Variants in NR2C1 observed in about 807,000 individuals in gnomAD.
NR2C1 encodes nuclear receptor subfamily 2 group C member 1, also known as TR2 nuclear hormone receptor.
A neutral mutation model predicts 74.8 loss-of-function variants in NR2C1; 33 were observed. The observed-to-expected ratio is 0.44, with a 90% CI of 0.33 to 0.59. The LOEUF is 0.59. NR2C1 is among the 20% of genes least tolerant of loss of function. The pLI is 0.02. For missense variants in NR2C1, 568 were observed against 715.6 expected, an observed-to-expected ratio of 0.79 and a Z score of 2.35; for synonymous variants, 225 against 240.6, an observed-to-expected ratio of 0.94 and a Z score of 0.60.
At chr12:95,057,453 A>G (rs952229880) in intron 7 of NR2C1, 100 bp downstream of exon 7, 1 of 811,642 alleles carries the variant, frequency 1.2e-6, no homozygotes, top group South Asian at 2.1e-5. Context: ...TGTAATATGG[A>G]ATATTTAAGA....
chr12:95,044,606 C>T (rs984705976), intron 9 of NR2C1, among the ~76,000 whole-genome samples: 20 of 152,036 alleles, frequency 1.3e-4, no homozygotes, highest in African/African-American at 4.3e-4. Context: ...ACTGGATGGC[C>T]GGGTGTGATG....
rs989939145 is a variant in NR2C1 at position 95,021,692 on chromosome 12, C to T, written c.*537G>A. ...GGGACACCATGATATTTAGAGAAGA[C>T]AAAAAATATGTATTCAATTATTTCC... On this transcript the variant is annotated 3_prime_UTR_variant, in exon 14 of 14. Transcript: ENST00000333003. 6.6e-6 allele frequency: 1 copy of T among 152,000 alleles called. No homozygotes were observed. Among genetic ancestry groups the T allele is most frequent in the Non-Finnish European group, 1.5e-5 (1 of 68,044 alleles). 9.4% of individuals were successfully genotyped at this position (152,000 alleles called of 1,614,324 possible). A position where few individuals can be genotyped will look rare whatever the true frequency, so the allele number is the denominator to read the frequency against.
chr12:95,058,313 C>T lies in NR2C1; in HGVS notation c.541G>A (p.Asp181Asn). The T allele has an allele frequency of 6.2e-7, 1 of 1,609,968 alleles. No homozygotes were observed. Among genetic ancestry groups the T allele is most frequent in the South Asian group, 1.1e-5 (1 of 90,608 alleles). The change falls in exon 5 of 14, where the codon GAC (aspartate) becomes AAC (asparagine). Residue 181 changes from aspartate to asparagine, a missense_variant. This residue lies in a region of NR2C1 where 239 missense variants were observed against 232.3 expected (regional missense o/e 1.03). Transcript: ENST00000333003. ...QRCIAFGMKQ[D>N]SVQCERKPIE... ...CTCCTTAAAAGCTAATACATACAGT[C>T]TTGCTTCATTCCAAACGCAATACAT...
intron 9 of NR2C1, among the ~76,000 whole-genome samples, 158 bp downstream of exon 9, chr12:95,048,910 C>T (rs1364816770): frequency 6.6e-6 from 1 of 152,114 alleles, no homozygotes; most frequent in Non-Finnish European, 1.5e-5. Context: ...AGGCATAAGC[C>T]ACTGTGCCTG....
rs1378155688 is a variant in NR2C1, at chr12:95,028,418, G to A, written c.1500C>T (p.Ala500=). 6.2e-7 allele frequency: 1 copy of A among 1,610,684 alleles called. No individual in the cohort carries two copies. Among genetic ancestry groups the A allele is most frequent in the African/African-American group, 1.3e-5 (1 of 74,754 alleles). The part of the protein sequence containing the change: ...VKLCIDGYEY[A]YLKAIVLFSP... Reference sequence around the variant, plus strand: ...TGAAGAGTACTATTGCCTTCAGGTAGGCATATTCGTATCCATCAATGCAGA... The same window carrying A: ...TGAAGAGTACTATTGCCTTCAGGTAAGCATATTCGTATCCATCAATGCAGA... The change falls in exon 12 of 14, where the codon GCC becomes GCT. Residue 500 remains alanine, a synonymous_variant. Transcript: ENST00000333003.
At chr12:95,070,849 T>C (rs1876498497) in intron 1 of NR2C1, among the ~76,000 whole-genome samples, 1 of 152,206 alleles carries the variant, frequency 6.6e-6, no homozygotes, top group Non-Finnish European at 1.5e-5. Context: ...TACGATGTTC[T>C]TTATTCCCCC....
intron 3 of NR2C1, among the ~76,000 whole-genome samples, chr12:95,061,439 A>T (rs1874765172): frequency 6.6e-6 from 1 of 152,212 alleles, no homozygotes. Context: ...CAAATCTAAA[A>T]CTATTCTAAA....
In NR2C1 at chr12:95,066,254, C is replaced by T. The variant is rs974723117; in HGVS notation, c.54+1077G>A. 1.6e-4 allele frequency among the ~76,000 whole-genome samples: 25 copies of T among 152,266 alleles called. 4 individuals carry two copies. Among genetic ancestry groups the T allele is most frequent in the Admixed American group, 9.2e-4 (14 of 15,298 alleles). ...CAGCACCTCACGCCTGTAATCCCAG[C>T]GCTTTGGAAGGCCAAGGCCAGTGAA... On this transcript the variant is annotated intron_variant, in intron 2 of 13. Transcript: ENST00000333003.
intron 9 of NR2C1, among the ~76,000 whole-genome samples, chr12:95,042,323 C>T (rs561523931): frequency 3.3e-5 from 5 of 149,936 alleles, no homozygotes; most frequent in African/African-American, 1.2e-4. Flanking sequence ...GAATGTCCTT[C>T]CTCAGCCTCC....
Position 95,057,746 on chromosome 12 carries a change from T to A in NR2C1, c.677A>T (p.Asp226Val), listed in dbSNP as rs1874136997. 1 of 1,613,928 alleles carries A rather than the reference T, an allele frequency of 6.2e-7. No homozygotes were observed. Among genetic ancestry groups the A allele is most frequent in the South Asian group, 1.1e-5 (1 of 91,074 alleles). Residue 226 changes from aspartate (D) to valine (V), a missense_variant, in exon 6 of 14, where the codon GAT becomes GTT. Asp to Val is a radical substitution (Grantham distance 152, BLOSUM62 -3). Transcript: ENST00000333003. ...PLTATPTFVT[D>V]SESTRSTGLL... ...TTTACTTTACCTTGTACTTTCACTA[T>A]CTGTTACAAAAGTTGGAGTTGCAGT...
At chr12:95,030,396 A>C in intron 11 of NR2C1, 1 of 1,223,060 alleles carries the variant, frequency 8.2e-7, no homozygotes, top group Non-Finnish European at 1.0e-6. Flanking sequence ...AGAAGAAAAA[A>C]ACTGAAGCAG....
At chr12:95,062,369 T>C (rs779220856) in intron 3 of NR2C1, 139 bp downstream of exon 3, 79 of 624,234 alleles carry the variant, frequency 1.3e-4, no homozygotes, top group Admixed American at 6.7e-4. Flanking sequence ...GCTGTCACTG[T>C]AGATACTGTG....
chr12:95,051,049 T>C (rs1404443175), intron 8 of NR2C1, among the ~76,000 whole-genome samples: 1 of 152,216 alleles, frequency 6.6e-6, no homozygotes, highest in Admixed American at 6.5e-5. Context: ...TTACTGATTT[T>C]GTCATTTAGA....
chr12:95,072,891 G>A (rs1272014807), intron 1 of NR2C1: 2 of 152,238 alleles, frequency 1.3e-5, no homozygotes, highest in Non-Finnish European at 2.9e-5. Flanking sequence ...GTGAAAGCAC[G>A]GGAGTTAGTG....
At chr12:95,071,017 T>C (rs775103468) in intron 1 of NR2C1, among the ~76,000 whole-genome samples, 10 of 152,138 alleles carry the variant, frequency 6.6e-5, no homozygotes, top group African/African-American at 2.4e-4. Flanking sequence ...CTGGCCAACA[T>C]GGTGAAACCC....
At chr12:95,034,970 AATAC>A (rs1267347930) in intron 10 of NR2C1, among the ~76,000 whole-genome samples, 1 of 152,194 alleles carries the variant, frequency 6.6e-6, no homozygotes, top group African/African-American at 2.4e-5. Flanking sequence ...AGTGGGCGAA[AATAC>A]ATACACAATG....
intron 12 of NR2C1, among the ~76,000 whole-genome samples, chr12:95,025,606 C>T (rs1008859781): frequency 3.5e-5 from 5 of 143,330 alleles, no homozygotes; most frequent in East Asian, 4.1e-4. Context: ...TGCTGTGAGC[C>T]GAGACAGCGC....
At chr12:95,058,133 A>G (rs1874196340) in intron 5 of NR2C1, 177 bp downstream of exon 5, 3 of 646,984 alleles carry the variant, frequency 4.6e-6, no homozygotes, top group Middle Eastern at 4.2e-4. Flanking sequence ...ACAGGTATTC[A>G]ATAAATATTA....
At chr12:95,053,911 C>T (rs1271900084) in intron 7 of NR2C1, among the ~76,000 whole-genome samples, 1 of 152,090 alleles carries the variant, frequency 6.6e-6, no homozygotes, top group Admixed American at 6.5e-5. Flanking sequence ...TCTCGATCTC[C>T]TGACCTCGTG....
Sources: gnomAD v4.1 joint callset for allele counts (sites outside exome capture counted in the v4.1 genomes callset) on GRCh38, gnomAD v4.1.1 for gene constraint, gnomAD v4.1.1 regional missense constraint, MANE v1.5 for transcripts, NCBI Gene and HGNC (gene_info 2026-07-23, HGNC 2026-07-21) for gene names.